SLC44A1: variants seen among roughly 807,000 people sequenced by gnomAD.
SLC44A1 encodes the protein solute carrier family 44 member 1.
In SLC44A1, 26 loss-of-function variants were observed where a neutral mutation model predicts 79.3. That is an observed-to-expected ratio of 0.33 (90% confidence interval 0.24 to 0.46). The LOEUF is 0.46. Ranked by LOEUF, SLC44A1 falls within the 20% of genes least tolerant of loss-of-function variation. The pLI is 1.00. For missense variants in SLC44A1, 688 were observed against 798.1 expected (o/e 0.86, Z 1.66); for synonymous variants, 263 against 286.2 (o/e 0.92, Z 0.82).
chr9:105,250,849 C>CT (rs1338334683), intron 1 of SLC44A1, among the ~76,000 whole-genome samples: 1 of 152,160 alleles, frequency 6.6e-6, no homozygotes, highest in Admixed American at 6.5e-5. Context: ...TGGTCCAAGA[C>CT]TGCGGGCTGG....
chr9:105,245,292 C>T (rs879282272), intron 1 of SLC44A1, among the ~76,000 whole-genome samples: 2 of 152,088 alleles, frequency 1.3e-5, no homozygotes, highest in Admixed American at 6.5e-5. Context: ...CTCTCTTCCA[C>T]CTCCGTGGAG....
intron 15 of SLC44A1, chr9:105,438,199 C>T (rs1829488122): frequency 1.7e-6 from 2 of 1,159,166 alleles, no homozygotes; most frequent in South Asian, 2.7e-5. Flanking sequence ...CGATCCCACA[C>T]TATTTCTAGT....
At chr9:105,297,613 C>T in intron 1 of SLC44A1, among the ~76,000 whole-genome samples, 1 of 152,134 alleles carries the variant, frequency 6.6e-6, no homozygotes, top group East Asian at 1.9e-4. Context: ...GAGCTCCCGA[C>T]CTCAGGTGAT....
chr9:105,332,283 C>T (rs1413718617), intron 3 of SLC44A1, among the ~76,000 whole-genome samples: 1 of 151,992 alleles, frequency 6.6e-6, no homozygotes, highest in South Asian at 2.1e-4. Context: ...CCACACTCAG[C>T]TAATTTTTGT....
intron 1 of SLC44A1, among the ~76,000 whole-genome samples, chr9:105,282,998 A>G (rs999963926): frequency 3.3e-5 from 5 of 152,184 alleles, no homozygotes; most frequent in African/African-American, 1.2e-4. Context: ...TGATGCTGAA[A>G]TGTCAGTGCA....
At position 105,365,599 on chromosome 9, in the gene SLC44A1, G is replaced by T; in HGVS notation, c.1370G>T (p.Arg457Leu). 1.2e-6 allele frequency: 2 copies of T among 1,613,742 alleles called. No individual in the cohort carries two copies. Among genetic ancestry groups the T allele is most frequent in the Non-Finnish European group, 1.7e-6 (2 of 1,179,740 alleles). ...ATTATCACATTAGTCAAAATTCCGC[G>T]AATGATCCTTATGTATATTCACAGT... ...SFIITLVKIP[R>L]MILMYIHSQL... The change falls in exon 11 of 16, where the codon CGA becomes CTA. Residue 457 changes from arginine to leucine, a missense_variant. Coordinates refer to ENST00000374720, the MANE Select transcript of SLC44A1 (RefSeq NM_080546.5).
At chr9:105,348,306 A>C in intron 4 of SLC44A1, 52 bp from the exon 5 acceptor site, 1 of 928,218 alleles carries the variant, frequency 1.1e-6, no homozygotes, top group Non-Finnish European at 1.7e-6. Context: ...ATGAATAGTA[A>C]GAGAATTTTT....
chr9:105,432,299 C>G (rs1301030275), intron 15 of SLC44A1, among the ~76,000 whole-genome samples: 1 of 152,146 alleles, frequency 6.6e-6, no homozygotes, highest in Non-Finnish European at 1.5e-5. Context: ...TAGCCCTTCT[C>G]TTTGTCAATA....
intron 15 of SLC44A1, among the ~76,000 whole-genome samples, chr9:105,415,511 TC>T (rs1829156063): frequency 1.3e-5 from 2 of 152,190 alleles, no homozygotes; most frequent in South Asian, 4.1e-4. Context: ...AGGCAGGAGT[TC>T]CAGCTGGAGC....
intron 15 of SLC44A1, among the ~76,000 whole-genome samples, chr9:105,430,743 A>G (rs984205283): frequency 6.6e-6 from 1 of 152,144 alleles, no homozygotes; most frequent in South Asian, 2.1e-4. Context: ...TTCGTACACA[A>G]GTTTTTGTGC....
chr9:105,414,347 G>A (rs7028201), intron 15 of SLC44A1, among the ~76,000 whole-genome samples: 4,608 of 152,152 alleles, frequency 0.03, 214 homozygotes, highest in African/African-American at 0.1. Context: ...GAGCCACCAC[G>A]CCCAGCCGAC....
chr9:105,408,401 A>T (rs976285975), intron 15 of SLC44A1, among the ~76,000 whole-genome samples: 2 of 136,820 alleles, frequency 1.5e-5, no homozygotes, highest in Non-Finnish European at 3.0e-5. Flanking sequence ...TTTGTCACTC[A>T]TTTGTTGTTG....
At chr9:105,303,811 C>T (rs114627709) in intron 2 of SLC44A1, among the ~76,000 whole-genome samples, 1,826 of 152,286 alleles carry the variant, frequency 0.012, 31 homozygotes, top group African/African-American at 0.041. Flanking sequence ...GCCAGTGAAA[C>T]GTGGTCTCAT....
intron 5 of SLC44A1, among the ~76,000 whole-genome samples, chr9:105,355,747 T>C (rs1827602743): frequency 6.6e-6 from 1 of 152,228 alleles, no homozygotes; most frequent in African/African-American, 2.4e-5. Context: ...AAACATTCTA[T>C]TAATGGTGGC....
Position 105,390,430 on chromosome 9 carries a change from CAAAAAAAA to C in SLC44A1, c.*1388_*1395del, listed in dbSNP as rs34048538. 2.9e-5 allele frequency: 24 copies of C among 825,128 alleles called. No homozygotes were observed. The African/African-American group carries it at 3.2e-4, about 11-fold the overall frequency. 51.1% of individuals were successfully genotyped at this position (825,128 alleles called of 1,614,324 possible). ...TATTGCACTAAATACAGGCTCTGTACAAAAAAAAAAAAAAAAAAAAAGCCTCAGCATTT... is the reference window on the plus strand; with the variant it reads ...TATTGCACTAAATACAGGCTCTGTACAAAAAAAAAAAAAGCCTCAGCATTT... On this transcript the variant is annotated 3_prime_UTR_variant, in exon 16 of 16. Transcript: ENST00000374720.
Position 105,396,891 on chromosome 9 carries a change from T to C in SLC44A1, c.*7835T>C, listed in dbSNP as rs533436725. 1 of 985,276 alleles carries C rather than the reference T, an allele frequency of 1.0e-6. No homozygotes were observed. Among genetic ancestry groups the C allele is most frequent in the African/African-American group, 1.7e-5 (1 of 57,352 alleles). 61.0% of individuals were successfully genotyped at this position (985,276 alleles called of 1,614,324 possible). A position where few individuals can be genotyped will look rare whatever the true frequency, so the allele number is the denominator to read the frequency against. On this transcript the variant is annotated 3_prime_UTR_variant, in exon 16 of 16. Transcript: ENST00000374720. ...ATTTTGGATTTTTTTCTTATTACAGTGTCACTACACTGTATTCATGTGGGG... is the reference window on the plus strand; with the variant it reads ...ATTTTGGATTTTTTTCTTATTACAGCGTCACTACACTGTATTCATGTGGGG...
rs116896965 is a variant in SLC44A1 at position 105,291,397 on chromosome 9, C to T, written c.37-7823C>T. ...CACACTTGAATCGCACAAATGTCTACGCAGCGGTGACCTTGGAGATGGATG... is the reference window on the plus strand; with the variant it reads ...CACACTTGAATCGCACAAATGTCTATGCAGCGGTGACCTTGGAGATGGATG... On this transcript the variant is annotated intron_variant, in intron 1 of 15. Transcript: ENST00000374720. Among the ~76,000 whole-genome samples the T allele has an allele frequency of 7.0e-4, 106 of 152,304 alleles. No individual in the cohort carries two copies. In the East Asian group the frequency reaches 0.014, roughly 21 times the overall value.
intron 3 of SLC44A1, among the ~76,000 whole-genome samples, chr9:105,319,903 T>G (rs1826330687): frequency 6.6e-6 from 1 of 152,236 alleles, no homozygotes; most frequent in South Asian, 2.1e-4. Flanking sequence ...TAGTAAAATT[T>G]ACTCATTCAA....
chr9:105,314,056 G>A (rs184413148), intron 3 of SLC44A1, among the ~76,000 whole-genome samples: 58 of 152,210 alleles, frequency 3.8e-4, no homozygotes, highest in Middle Eastern at 3.4e-3. Flanking sequence ...GCACGACTGC[G>A]CCCAGCCTTA....
Sources: allele counts gnomAD v4.1 joint callset (sites outside exome capture counted in the v4.1 genomes callset), GRCh38; gene constraint gnomAD v4.1.1; transcripts MANE v1.5; gene names NCBI Gene and HGNC (gene_info 2026-07-23, HGNC 2026-07-21).